STX8: variants seen among roughly 807,000 people sequenced by gnomAD.
STX8 encodes the protein syntaxin 8, also known as syntaxin-8.
A neutral mutation model predicts 37.5 loss-of-function variants in STX8; 23 were observed. The ratio of observed to expected loss-of-function variants is 0.61; its 90% CI spans 0.44 to 0.87. The LOEUF is 0.87. Among genes scored for constraint, STX8 ranks in the 40% least tolerant of loss-of-function variants. STX8 has a pLI of 0.00. For missense variants in STX8, 313 were observed against 284.7 expected (o/e 1.10, Z -0.71); for synonymous variants, 115 against 99.1 (o/e 1.16, Z -0.95).
chr17:9,492,383 C>G (rs1906893446), intron 5 of STX8, among the ~76,000 whole-genome samples: 1 of 152,176 alleles, frequency 6.6e-6, no homozygotes, highest in South Asian at 2.1e-4. Context: ...AAAAGAATGA[C>G]AATACCTAAG....
chr17:9,275,088 C>G (rs958190689), intron 7 of STX8, among the ~76,000 whole-genome samples: 28 of 152,186 alleles, frequency 1.8e-4, no homozygotes, highest in Admixed American at 7.8e-4. Context: ...TCACAGAAAC[C>G]AACAAAATCA....
intron 6 of STX8, among the ~76,000 whole-genome samples, chr17:9,439,490 ATAAC>A (rs1265823710): frequency 1.3e-5 from 2 of 152,068 alleles, no homozygotes; most frequent in African/African-American, 4.8e-5. Context: ...CCACACTATA[ATAAC>A]TAATTGTTAT....
Position 9,386,914 on chromosome 17 carries a change from G to A in STX8, c.542-8261C>T, listed in dbSNP as rs1030653668. 6.6e-5 allele frequency among the ~76,000 whole-genome samples: 10 copies of A among 151,882 alleles called. No homozygotes were observed. The Middle Eastern group carries it at 0.01, about 155-fold the overall frequency. ...GACAGAGTTTCACTCTTGTTGCCCA[G>A]GCTGGAGTGCAGTGGCGCGATCTCA... On this transcript the variant is annotated intron_variant, in intron 6 of 7. Transcript: ENST00000306357.
intron 7 of STX8, among the ~76,000 whole-genome samples, chr17:9,256,644 A>G (rs1195050048): frequency 6.6e-6 from 1 of 152,194 alleles, no homozygotes; most frequent in Non-Finnish European, 1.5e-5. Flanking sequence ...CATTAAAAAG[A>G]CACACACACT....
chr17:9,302,989 T>TAA (rs34429298), intron 7 of STX8, among the ~76,000 whole-genome samples: 26,160 of 129,126 alleles, frequency 0.2, 3,014 homozygotes, highest in African/African-American at 0.32. Flanking sequence ...TAATATAGAT[T>TAA]AAAAAAAAAA....
At chr17:9,526,217 C>A (rs1905563937) in intron 4 of STX8, among the ~76,000 whole-genome samples, 2 of 152,194 alleles carry the variant, frequency 1.3e-5, no homozygotes, top group Non-Finnish European at 2.9e-5. Context: ...GATGAGAGGA[C>A]CTGGGTTCTA....
intron 6 of STX8, among the ~76,000 whole-genome samples, chr17:9,482,495 A>C (rs543470155): frequency 6.6e-6 from 1 of 152,310 alleles, no homozygotes; most frequent in African/African-American, 2.4e-5. Context: ...AAATTCCTTC[A>C]CCAAACTTTC....
At position 9,330,342 on chromosome 17, in the gene STX8, C is replaced by T. The variant is rs73267994; in HGVS notation, c.643+48210G>A. On this transcript the variant is annotated intron_variant, in intron 7 of 7. Transcript: ENST00000306357. Reference sequence around the variant, plus strand: ...ATTATTCTCAAGGTTACAAGAACAGCGACCAAGGCAAAATTAGGCCCTGGC... The same window carrying T: ...ATTATTCTCAAGGTTACAAGAACAGTGACCAAGGCAAAATTAGGCCCTGGC... Among the ~76,000 whole-genome samples, 1,415 of 152,302 alleles carry T rather than the reference C, an allele frequency of 9.3e-3. 17 individuals carry two copies. The highest frequency in any genetic ancestry group is 0.032 in the African/African-American group (1,333 of 41,570).
rs994577548 is a variant in STX8 at position 9,395,174 on chromosome 17, G to A, written c.542-16521C>T. Among the ~76,000 whole-genome samples, 6 of 151,994 alleles carry A rather than the reference G, an allele frequency of 3.9e-5. No homozygotes were observed. In the East Asian group the frequency reaches 1.2e-3, roughly 29 times the overall value. ...ATAAATGTAAGTATATATTCATTAT[G>A]TTTATAGCTCTTTATAGTGCTAAAA... On this transcript the variant is annotated intron_variant, in intron 6 of 7. Transcript: ENST00000306357.
At chr17:9,515,651 T>C (rs1905139323) in intron 4 of STX8, among the ~76,000 whole-genome samples, 1 of 152,128 alleles carries the variant, frequency 6.6e-6, no homozygotes, top group Non-Finnish European at 1.5e-5. Flanking sequence ...GCCTCCTGAG[T>C]AGCTGGGACT....
rs200813894 is a variant in STX8, at chr17:9,526,282, TCTC to T, written c.323+18887_323+18889del. On this transcript the variant is annotated intron_variant, in intron 4 of 7. Coordinates refer to ENST00000306357, the MANE Select transcript of STX8 (RefSeq NM_004853.3). ...GCACAACGACTTCTCTAAGAATCAGTCTCCTCATTTGTAAACCAAAAAAGTAAT... is the reference window on the plus strand; with the variant it reads ...GCACAACGACTTCTCTAAGAATCAGTCTCATTTGTAAACCAAAAAAGTAAT... Among the ~76,000 whole-genome samples, 1,446 of 152,250 alleles carry T rather than the reference TCTC, an allele frequency of 9.5e-3. 21 individuals are homozygous for T. Among genetic ancestry groups the T allele is most frequent in the African/African-American group, 0.033 (1,371 of 41,536 alleles).
At position 9,493,456 on chromosome 17, in the gene STX8, C is replaced by A. The variant is rs1018734227; in HGVS notation, c.449-1535G>T. ...GGCCAGCAATACCCAGAACCAGCAA[C>A]TTCTCCCAGCACACCCCCTCCTCGG... On this transcript the variant is annotated intron_variant, in intron 5 of 7. Coordinates refer to ENST00000306357, the MANE Select transcript of STX8 (RefSeq NM_004853.3). Among the ~76,000 whole-genome samples the A allele has an allele frequency of 3.9e-5, 6 of 152,186 alleles. No individual in the cohort carries two copies. In the East Asian group the frequency reaches 1.2e-3, roughly 29 times the overall value.
chr17:9,462,555 C>G (rs1905441741), intron 6 of STX8, among the ~76,000 whole-genome samples: 1 of 152,224 alleles, frequency 6.6e-6, no homozygotes, highest in African/African-American at 2.4e-5. Context: ...AACCCTGTCT[C>G]TACTAAAAGT....
chr17:9,321,950 A>T (rs1210465994), intron 7 of STX8, among the ~76,000 whole-genome samples: 1 of 152,224 alleles, frequency 6.6e-6, no homozygotes, highest in Non-Finnish European at 1.5e-5. Flanking sequence ...GATTTGTTTA[A>T]AACTGTGTAG....
chr17:9,425,013 A>C (rs1198314029), intron 6 of STX8, among the ~76,000 whole-genome samples: 2 of 152,210 alleles, frequency 1.3e-5, no homozygotes, highest in Non-Finnish European at 2.9e-5. Context: ...AACTCAGGAA[A>C]AGATTCATGA....
At chr17:9,462,168 C>T (rs2142422059) in intron 6 of STX8, among the ~76,000 whole-genome samples, 1 of 152,212 alleles carries the variant, frequency 6.6e-6, no homozygotes. Flanking sequence ...GGGGAACAAA[C>T]ATGACAGTGG....
chr17:9,387,930 A>G (rs1274673760), intron 6 of STX8, among the ~76,000 whole-genome samples: 4 of 152,186 alleles, frequency 2.6e-5, no homozygotes, highest in Non-Finnish European at 5.9e-5. Context: ...TAAATCAATA[A>G]ATCTGTAGCA....
chr17:9,431,734 T>C (rs527756247), intron 6 of STX8, among the ~76,000 whole-genome samples: 1 of 152,330 alleles, frequency 6.6e-6, no homozygotes, highest in South Asian at 2.1e-4. Flanking sequence ...GAACAGCAGG[T>C]TAGCAACAAC....
chr17:9,422,751 T>C (rs1424808913), intron 6 of STX8, among the ~76,000 whole-genome samples: 1 of 152,260 alleles, frequency 6.6e-6, no homozygotes, highest in Non-Finnish European at 1.5e-5. Flanking sequence ...TCACACGGCC[T>C]GGCCCACAAA....
Sources: gnomAD v4.1 joint callset for allele counts (sites outside exome capture counted in the v4.1 genomes callset) on GRCh38, gnomAD v4.1.1 for gene constraint, MANE v1.5 for transcripts, NCBI Gene and HGNC (gene_info 2026-07-23, HGNC 2026-07-21) for gene names.